SURF1: variants seen among roughly 807,000 people sequenced by gnomAD.
SURF1 encodes SURF1 cytochrome c oxidase assembly factor.
SURF1 carries 45 observed loss-of-function variants against 34.1 expected under a neutral mutation model. The observed-to-expected ratio is 1.32, with a 90% CI of 1.04 to 1.69. SURF1 has a LOEUF of 1.69. Ranked by LOEUF, SURF1 falls within the 40% of genes most tolerant of loss-of-function variation. The pLI is 0.00. For synonymous variants in SURF1, 188 were observed against 147.5 expected, an observed-to-expected ratio of 1.27 and a Z score of -1.99; for missense variants, 456 against 384.6, an observed-to-expected ratio of 1.19 and a Z score of -1.55.
rs201675965 is a variant in SURF1 at position 133,354,956 on chromosome 9, C to T, written c.108G>A (p.Gly36=). 57 of 1,613,224 alleles carry T rather than the reference C, an allele frequency of 3.5e-5. No homozygotes were observed. The African/African-American group carries it at 6.4e-4, about 18-fold the overall frequency. Residue 36 remains glycine, a splice_region_variant and synonymous_variant, in exon 3 of 9, where the codon GGG becomes GGA. Coordinates refer to ENST00000371974, the MANE Select transcript of SURF1 (RefSeq NM_003172.4). ...RSVLRVSPRP[G]VAWRPSRCGS... The stretch of plus-strand genomic sequence containing the variant: ...CACATCTGCTTGGCCTCCAGGCCAC[C>T]CCTGGAGAGTTTCACAACACTGACA...
At chr9:133,352,183 G>A in intron 7 of SURF1, 41 bp from the exon 8 acceptor site, 1 of 1,545,400 alleles carries the variant, frequency 6.5e-7, no homozygotes, top group Non-Finnish European at 8.8e-7. Flanking sequence ...CTACTGGCCT[G>A]CCAGCCTCTG....
chr9:133,353,991 T>G (rs2130015953), intron 4 of SURF1, 51 bp from the exon 5 acceptor site: 1 of 1,608,802 alleles, frequency 6.2e-7, no homozygotes, highest in Non-Finnish European at 8.5e-7. Context: ...GGAAAACGAA[T>G]CCCCTGAGGG....
rs1026959591 is a variant in SURF1, at chr9:133,352,658, G to A, written c.588+36C>T. ...GCATGGAGCCTGGTGGACTCCCAGA[G>A]CCTTCTCTAAAGTAGGAAGAGTCCA... On this transcript the variant is annotated intron_variant, in intron 6 of 8. Coordinates refer to ENST00000371974, the MANE Select transcript of SURF1 (RefSeq NM_003172.4). The A allele has an allele frequency of 6.2e-6, 10 of 1,613,678 alleles. No individual in the cohort carries two copies. In the African/African-American group the frequency reaches 6.7e-5, roughly 11 times the overall value.
rs1479317463 is a variant in SURF1, at chr9:133,353,729, C to T, written c.515+20G>A. 1 of 1,613,302 alleles carries T rather than the reference C, an allele frequency of 6.2e-7. No homozygotes were observed. Among genetic ancestry groups the T allele is most frequent in the Non-Finnish European group, 8.5e-7 (1 of 1,179,884 alleles). On this transcript the variant is annotated intron_variant, in intron 5 of 8. Coordinates refer to ENST00000371974, the MANE Select transcript of SURF1 (RefSeq NM_003172.4). Reference sequence around the variant, plus strand: ...TGACTGCCTCTGCCAGGACAGCCAGCTCCCACATGTCCTACTCACCCCAGG... The same window carrying T: ...TGACTGCCTCTGCCAGGACAGCCAGTTCCCACATGTCCTACTCACCCCAGG...
Position 133,356,306 on chromosome 9 carries a change from G to T in SURF1, c.69C>A (p.Ala23=). Residue 23 remains alanine (A), a synonymous_variant, in exon 2 of 9, where the codon GCC becomes GCA. Coordinates refer to ENST00000371974, the MANE Select transcript of SURF1 (RefSeq NM_003172.4). ...AAGLGRAPAS[A]AWRSVLRVSP... ...AGACCCTGAGGACGCTCCTCCAGGC[G>T]GCGCTGGCCGGGGCCTGCGGACACG... 1 of 1,524,532 alleles carries T rather than the reference G, an allele frequency of 6.6e-7. No homozygotes were observed. Among genetic ancestry groups the T allele is most frequent in the Non-Finnish European group, 8.8e-7 (1 of 1,142,684 alleles). 94.4% of individuals were successfully genotyped at this position (1,524,532 alleles called of 1,614,324 possible).
At chr9:133,355,513 G>A (rs1208610887) in intron 2 of SURF1, among the ~76,000 whole-genome samples, 1 of 152,204 alleles carries the variant, frequency 6.6e-6, no homozygotes, top group African/African-American at 2.4e-5. Flanking sequence ...GGGAGGAGGT[G>A]GTTGCTGTAA....
Position 133,354,884 on chromosome 9 carries a change from G to A in SURF1, c.180C>T (p.Ser60=), listed in dbSNP as rs2130019461. 5.0e-6 allele frequency: 8 copies of A among 1,614,022 alleles called. No individual in the cohort carries two copies. In the Admixed American group the frequency reaches 5.0e-5, roughly 10 times the overall value. The part of the protein sequence containing the change: ...EASATKAEDD[S]FLQWVLLLIP... ...TGAGGAGCAGGACCCACTGAAGAAA[G>A]GAGTCATCTTCCGCTTTTGTGGCAG... Residue 60 remains serine, a synonymous_variant, in exon 3 of 9, where the codon TCC becomes TCT. Coordinates refer to ENST00000371974, the MANE Select transcript of SURF1 (RefSeq NM_003172.4).
Position 133,353,892 on chromosome 9 carries a change from C to A in SURF1, c.372G>T (p.Gly124=), listed in dbSNP as rs2130015171. ...NLEYRPVKVR[G]CFDHSKELYM... The stretch of plus-strand genomic sequence containing the variant: ...ACAGCTCCTTGGAATGGTCAAAGCA[C>A]CCCCTGACCTTCACTGGCCTATACT... The change falls in exon 5 of 9, where the codon GGG becomes GGT. Residue 124 remains glycine, a synonymous_variant. Coordinates refer to ENST00000371974, the MANE Select transcript of SURF1 (RefSeq NM_003172.4). The A allele has an allele frequency of 1.9e-6, 3 of 1,613,804 alleles. No homozygotes were observed. Among genetic ancestry groups the A allele is most frequent in the African/African-American group, 1.3e-5 (1 of 74,932 alleles).
Position 133,352,489 on chromosome 9 carries a change from G to T in SURF1, c.708C>A (p.Ala236=), listed in dbSNP as rs2130007273. 1.2e-5 allele frequency: 19 copies of T among 1,614,100 alleles called. No individual in the cohort carries two copies. Among genetic ancestry groups the T allele is most frequent in the Non-Finnish European group, 1.6e-5 (19 of 1,180,054 alleles). ...HWHYRDLEAM[A]RITGAEPIFI... is the part of the protein sequence containing the mutation. ...AGATGGGCTCTGCGCCTGTGATTCTGGCCATAGCTTCCAGGTCTCGATAAT... is the reference window on the plus strand; with the variant it reads ...AGATGGGCTCTGCGCCTGTGATTCTTGCCATAGCTTCCAGGTCTCGATAAT... Residue 236 remains alanine, a synonymous_variant, in exon 7 of 9, where the codon GCC becomes GCA. Transcript: ENST00000371974.
Position 133,352,533 on chromosome 9 carries a change from G to A in SURF1, c.664C>T (p.Pro222Ser), listed in dbSNP as rs1318138043. 20 of 1,614,184 alleles carry A rather than the reference G, an allele frequency of 1.2e-5. No homozygotes were observed. Among genetic ancestry groups the A allele is most frequent in the Admixed American group, 1.7e-5 (1 of 60,014 alleles). Residue 222 changes from proline (P) to serine (S), a missense_variant, in exon 7 of 9, where the codon CCA becomes TCA. Transcript: ENST00000371974. ...TRQPFVPENN[P>S]ERNHWHYRDL... Reference sequence around the variant, plus strand: ...CGATAATGCCAGTGGTTCCTTTCTGGATTGTTCTCAGGGACAAAAGGCTGC... The same window carrying A: ...CGATAATGCCAGTGGTTCCTTTCTGAATTGTTCTCAGGGACAAAAGGCTGC...
chr9:133,355,416 A>G (rs1040170918), intron 2 of SURF1, among the ~76,000 whole-genome samples: 5 of 152,086 alleles, frequency 3.3e-5, no homozygotes, highest in Admixed American at 3.3e-4. Context: ...CCATCTCTAC[A>G]AAAAAATGCA....
chr9:133,352,050 T>A lies in SURF1; in HGVS notation c.833+11A>T. The A allele has an allele frequency of 2.5e-6, 4 of 1,612,222 alleles. No individual in the cohort carries two copies. The highest frequency in any genetic ancestry group is 3.4e-6 in the Non-Finnish European group (4 of 1,179,176). On this transcript the variant is annotated intron_variant, in intron 8 of 8. Coordinates refer to ENST00000371974, the MANE Select transcript of SURF1 (RefSeq NM_003172.4). ...GAAGGGGAGGAAGCCAGAGGGCCGC[T>A]GGGGACTCACCAGGTCACGATGTAC... is the stretch of plus-strand genomic sequence containing the variant.
chr9:133,354,775 C>G (rs200598615), intron 3 of SURF1, 34 bp from the exon 4 acceptor site: 1 of 1,613,738 alleles, frequency 6.2e-7, no homozygotes, highest in Admixed American at 1.7e-5. Flanking sequence ...AAGCAGATGG[C>G]AGCAAGGTCA....
At chr9:133,354,597 A>G in intron 4 of SURF1, 62 bp downstream of exon 4, 1 of 1,586,892 alleles carries the variant, frequency 6.3e-7, no homozygotes, top group South Asian at 1.1e-5. Flanking sequence ...GGCCAGCAGA[A>G]GCCAGGGCTC....
chr9:133,353,833 C>T lies in SURF1; in HGVS notation c.431G>A (p.Arg144Gln), dbSNP rs1469895982. The change falls in exon 5 of 9, where the codon CGG (arginine) becomes CAG (glutamine). Residue 144 changes from arginine (R) to glutamine (Q), a missense_variant. Physicochemically the swap from Arg to Gln is conservative, Grantham distance 43. Coordinates refer to ENST00000371974, the MANE Select transcript of SURF1 (RefSeq NM_003172.4). ...MMPRTMVDPVREAREGGLISS... is the reference protein window; with the variant it reads ...MMPRTMVDPVQEAREGGLISS... ...GATGAGGCCGCCCTCCCGGGCCTCC[C>T]GGACAGGGTCCACCATGGTCCGGGG... 6.8e-6 allele frequency: 11 copies of T among 1,613,822 alleles called. No individual in the cohort carries two copies. Among genetic ancestry groups the T allele is most frequent in the Non-Finnish European group, 9.3e-6 (11 of 1,180,028 alleles).
chr9:133,355,742 A>G (rs1227671736), intron 2 of SURF1, among the ~76,000 whole-genome samples: 1 of 152,198 alleles, frequency 6.6e-6, no homozygotes, highest in Non-Finnish European at 1.5e-5. Context: ...AAGAATGTAC[A>G]CAGAAAGTGC....
intron 7 of SURF1, 131 bp downstream of exon 7, chr9:133,352,315 C>T (rs1836441875): frequency 1.3e-6 from 2 of 1,496,698 alleles, no homozygotes; most frequent in Admixed American, 1.8e-5. Context: ...TGCTGAGTTG[C>T]TGCCTCCTCC....
chr9:133,354,330 A>T (rs938615932), intron 4 of SURF1: 4 of 490,418 alleles, frequency 8.2e-6, no homozygotes, highest in Non-Finnish European at 1.5e-5. Context: ...TCAAACGACC[A>T]CCCTCACGGT....
chr9:133,352,418 T>G (rs1166756684), intron 7 of SURF1, 28 bp downstream of exon 7: 1 of 1,614,204 alleles, frequency 6.2e-7, no homozygotes, highest in Non-Finnish European at 8.5e-7. Flanking sequence ...AAGCTACTTG[T>G]TCCGAGATGG....
Sources: gnomAD v4.1 joint callset for allele counts (sites outside exome capture counted in the v4.1 genomes callset) on GRCh38, gnomAD v4.1.1 for gene constraint, MANE v1.5 for transcripts, NCBI Gene and HGNC (gene_info 2026-07-23, HGNC 2026-07-21) for gene names.